DOP1B: variants seen among roughly 807,000 people sequenced by gnomAD.
The protein encoded by DOP1B is protein DOP1B.
A neutral mutation model predicts 233.5 loss-of-function variants in DOP1B; 174 were observed. The observed-to-expected ratio is 0.75, with a 90% CI of 0.66 to 0.85. DOP1B has a LOEUF of 0.85. Ranked by LOEUF, DOP1B falls within the 40% of genes least tolerant of loss-of-function variation. DOP1B has a pLI of 0.00. For synonymous variants in DOP1B, 1,190 were observed against 1,185.6 expected (o/e 1.00, Z -0.08); for missense variants, 2,652 against 2,846.6 (o/e 0.93, Z 1.56).
intron 27 of DOP1B, among the ~76,000 whole-genome samples, chr21:36,276,781 C>CA (rs1419880192): frequency 2.8e-5 from 4 of 140,780 alleles, no homozygotes; most frequent in African/African-American, 1.1e-4. Context: ...GTGGAGGCTA[C>CA]AGTGAGCCGA....
chr21:36,196,927 C>A (rs377159415), intron 2 of DOP1B, among the ~76,000 whole-genome samples: 1 of 150,838 alleles, frequency 6.6e-6, no homozygotes, highest in Non-Finnish European at 1.5e-5. Context: ...TTGATGACCA[C>A]TAGTTATATC....
chr21:36,191,737 G>C (rs2066237157), intron 2 of DOP1B, among the ~76,000 whole-genome samples: 1 of 148,488 alleles, frequency 6.7e-6, no homozygotes, highest in Non-Finnish European at 1.5e-5. Flanking sequence ...AGTGAGCCGA[G>C]ATCACACCAC....
chr21:36,198,922 G>A, intron 2 of DOP1B, 148 bp from the exon 3 acceptor site: 1 of 783,910 alleles, frequency 1.3e-6, no homozygotes, highest in Non-Finnish European at 1.9e-6. Context: ...CTCTCGCCAT[G>A]CAGTCCCTCT....
At position 36,201,235 on chromosome 21, in the gene DOP1B, C is replaced by T. The variant is rs78523794; in HGVS notation, c.491+734C>T. On this transcript the variant is annotated intron_variant, in intron 4 of 36. Transcript: ENST00000691173. The stretch of plus-strand genomic sequence containing the variant: ...ACATTGTGTAATGAATTCCTCTGCT[C>T]CAGGAGTTACCTCCATTTACAGGTG... Among the ~76,000 whole-genome samples the T allele has an allele frequency of 3.6e-3, 550 of 152,164 alleles. 4 individuals carry two copies. Among genetic ancestry groups the T allele is most frequent in the African/African-American group, 0.013 (526 of 41,494 alleles).
At chr21:36,181,238 C>T (rs538897610) in intron 2 of DOP1B, among the ~76,000 whole-genome samples, 1 of 151,716 alleles carries the variant, frequency 6.6e-6, no homozygotes, top group African/African-American at 2.4e-5. Context: ...GGGCAGCTCT[C>T]TTCTACACGG....
chr21:36,230,326 G>T, intron 13 of DOP1B, 124 bp from the exon 14 acceptor site: 2 of 1,188,480 alleles, frequency 1.7e-6, no homozygotes, highest in South Asian at 1.6e-5. Context: ...TTAACACAGG[G>T]ATTCTCTAGT....
chr21:36,245,287 G>A lies in DOP1B; in HGVS notation c.3307G>A (p.Ala1103Thr), dbSNP rs201098019. Residue 1103 changes from alanine (A) to threonine (T), a missense_variant, in exon 19 of 37, where the codon GCC becomes ACC. Around this residue, in one of 3 missense-constraint regions of DOP1B, gnomAD observed 2,617 missense variants for 2,794.3 expected, o/e 0.94. Coordinates refer to ENST00000691173, the MANE Select transcript of DOP1B (RefSeq NM_001320714.2). This position sits in a 1 kb window ranked among gnomAD's most constrained non-coding sequence, Gnocchi z 5.5. ...GCTTCCAGACAGGACGGCCCACGGC[G>A]CCCCGGACAGCAGCGAGCACACCGA... is the stretch of plus-strand genomic sequence containing the variant. ...VELPDRTAHG[A>T]PDSSEHTESA... The A allele has an allele frequency of 4.7e-5, 76 of 1,614,040 alleles. No homozygotes were observed. Among genetic ancestry groups the A allele is most frequent in the Non-Finnish European group, 5.9e-5 (70 of 1,180,042 alleles).
chr21:36,190,451 G>A (rs1253605719), intron 2 of DOP1B, among the ~76,000 whole-genome samples: 2 of 151,442 alleles, frequency 1.3e-5, no homozygotes, highest in Non-Finnish European at 2.9e-5. Context: ...AGGCTGGAGT[G>A]CAGTGGCGCA....
At chr21:36,200,192 T>C in intron 3 of DOP1B, 139 bp from the exon 4 acceptor site, 1 of 1,126,872 alleles carries the variant, frequency 8.9e-7, no homozygotes, top group Non-Finnish European at 1.2e-6. Flanking sequence ...GACCATCTCA[T>C]GTCATACCCA....
chr21:36,277,083 C>T lies in DOP1B; in HGVS notation c.5695C>T (p.Leu1899Phe). 6.2e-7 allele frequency: 1 copy of T among 1,614,008 alleles called. No individual in the cohort carries two copies. The highest frequency in any genetic ancestry group is 8.5e-7 in the Non-Finnish European group (1 of 1,179,956). ...CCCGTCGGTGTACAGCGTGCAAGCCCTCTCTCTCCTGGCAGAGGTAAATAC... is the reference window on the plus strand; with the variant it reads ...CCCGTCGGTGTACAGCGTGCAAGCCTTCTCTCTCCTGGCAGAGGTAAATAC... The part of the protein sequence containing the change: ...SAPSVYSVQA[L>F]SLLAEVLASL... Residue 1899 changes from leucine to phenylalanine, a missense_variant, in exon 28 of 37, where the codon CTC (leucine) becomes TTC (phenylalanine). By Grantham distance (22) the Leu-to-Phe change is conservative. Around this residue, in one of 3 missense-constraint regions of DOP1B, gnomAD observed 2,617 missense variants for 2,794.3 expected, o/e 0.94. Transcript: ENST00000691173.
At chr21:36,286,769 C>T (rs2067488804) in intron 32 of DOP1B, among the ~76,000 whole-genome samples, 1 of 152,000 alleles carries the variant, frequency 6.6e-6, no homozygotes, top group African/African-American at 2.4e-5. Flanking sequence ...AAAAGATCAG[C>T]CTGGCCAACA....
chr21:36,230,840 C>T lies in DOP1B; in HGVS notation c.2056C>T (p.Pro686Ser). ...SSRKNSWEPK[P>S]ITVPQFKQML... ...CAGGAAGAACTCTTGGGAGCCCAAGCCCATCACTGTGCCTCAGTTCAAGCA... is the reference window on the plus strand; with the variant it reads ...CAGGAAGAACTCTTGGGAGCCCAAGTCCATCACTGTGCCTCAGTTCAAGCA... The change falls in exon 14 of 37, where the codon CCC (proline) becomes TCC (serine). Residue 686 changes from proline to serine, a missense_variant. By Grantham distance (74) the Pro-to-Ser change is moderately conservative. This residue lies in a region of DOP1B where 2,617 missense variants were observed against 2,794.3 expected (regional missense o/e 0.94). Coordinates refer to ENST00000691173, the MANE Select transcript of DOP1B (RefSeq NM_001320714.2). The T allele has an allele frequency of 3.1e-6, 5 of 1,614,094 alleles. No homozygotes were observed. The South Asian group carries it at 3.3e-5, about 11-fold the overall frequency.
intron 1 of DOP1B, among the ~76,000 whole-genome samples, chr21:36,162,862 A>G (rs147751763): frequency 2.1e-3 from 314 of 152,134 alleles, no homozygotes; most frequent in African/African-American, 7.3e-3. Flanking sequence ...GAATGTATTT[A>G]GCAGTTGGTA....
At chr21:36,266,387 G>C (rs2123650290) in intron 26 of DOP1B, among the ~76,000 whole-genome samples, 1 of 152,234 alleles carries the variant, frequency 6.6e-6, no homozygotes, top group South Asian at 2.1e-4. Flanking sequence ...TGTTGGCCAG[G>C]CTGGTCTCGA....
Position 36,227,846 on chromosome 21 carries a change from AC to A in DOP1B, c.1636del (p.Leu546SerfsTer13), listed in dbSNP as rs776073716. 6.2e-7 allele frequency: 1 copy of A among 1,607,870 alleles called. No homozygotes were observed. Among genetic ancestry groups the A allele is most frequent in the Non-Finnish European group, 8.5e-7 (1 of 1,175,748 alleles). On this transcript the variant is annotated frameshift_variant, in exon 13 of 37. Transcript: ENST00000691173. LOFTEE classifies it high-confidence loss of function. ...VLSKVQMPPS[Y>X]LDTESTSGTS... ...AGCAAAGTCCAGATGCCTCCTTCCTACCTCGACACGGAGTCCACCAGCGGAA... is the reference window on the plus strand; with the variant it reads ...AGCAAAGTCCAGATGCCTCCTTCCTACTCGACACGGAGTCCACCAGCGGAA...
intron 5 of DOP1B, 136 bp from the exon 6 acceptor site, chr21:36,211,417 C>T: frequency 1.4e-6 from 1 of 730,530 alleles, no homozygotes. Context: ...GAACCCACAC[C>T]CTCCTGACCT....
Position 36,200,453 on chromosome 21 carries a change from T to C in DOP1B, c.443T>C (p.Ile148Thr). ...KLLLPSLQAF[I>T]VGLLPGLEEG... is the part of the protein sequence containing the mutation. Reference sequence around the variant, plus strand: ...CTCCTGCCCAGTCTGCAGGCCTTCATCGTGGGCCTGCTGCCCGGCCTTGAA... The same window carrying C: ...CTCCTGCCCAGTCTGCAGGCCTTCACCGTGGGCCTGCTGCCCGGCCTTGAA... Residue 148 changes from isoleucine (I) to threonine (T), a missense_variant, in exon 4 of 37, where the codon ATC becomes ACC. By Grantham distance (89) the Ile-to-Thr change is moderately conservative. Transcript: ENST00000691173. The C allele has an allele frequency of 6.2e-7, 1 of 1,613,134 alleles. No homozygotes were observed. The highest frequency in any genetic ancestry group is 1.1e-5 in the South Asian group (1 of 91,064).
chr21:36,233,152 T>C lies in DOP1B; in HGVS notation c.2622+77T>C, dbSNP rs145531117. The stretch of plus-strand genomic sequence containing the variant: ...AAACTCAGAACCGTATTGCTGGGGA[T>C]GGGGGCAGTGGCCCACTTCTCTGAG... On this transcript the variant is annotated intron_variant, in intron 15 of 36. Coordinates refer to ENST00000691173, the MANE Select transcript of DOP1B (RefSeq NM_001320714.2). 414 of 1,510,952 alleles carry C rather than the reference T, an allele frequency of 2.7e-4. 7 individuals carry two copies. The East Asian group carries it at 9.9e-3, about 36-fold the overall frequency. 93.6% of individuals were successfully genotyped at this position (1,510,952 alleles called of 1,614,324 possible).
chr21:36,183,046 G>A lies in DOP1B; in HGVS notation c.139-16024G>A, dbSNP rs546728235. ...ATGTTTTCTTTTGTTTAAGAGGCAGGGTCTCACTATGTTGCCCAGGCCAGA... is the reference window on the plus strand; with the variant it reads ...ATGTTTTCTTTTGTTTAAGAGGCAGAGTCTCACTATGTTGCCCAGGCCAGA... On this transcript the variant is annotated intron_variant, in intron 2 of 36. Transcript: ENST00000691173. Among the ~76,000 whole-genome samples the A allele has an allele frequency of 5.7e-4, 86 of 152,210 alleles. 2 individuals carry two copies. In the South Asian group the frequency reaches 0.017, roughly 30 times the overall value.
Sources: gnomAD v4.1 joint callset for allele counts (sites outside exome capture counted in the v4.1 genomes callset) on GRCh38, gnomAD v4.1.1 for gene constraint, gnomAD v4.1.1 regional missense constraint, Gnocchi (gnomAD v3.1) non-coding constraint, MANE v1.5 for transcripts, NCBI Gene and HGNC (gene_info 2026-07-23, HGNC 2026-07-21) for gene names.